The following TNIK variants were observed in gnomAD, a reference collection of about 807,000 sequenced individuals.
TNIK encodes TRAF2 and NCK interacting kinase, also known as TRAF2 and NCK-interacting protein kinase.
TNIK carries 49 observed loss-of-function variants against 191.3 expected under a neutral mutation model. The ratio of observed to expected loss-of-function variants is 0.26; its 90% CI spans 0.20 to 0.32. TNIK has a LOEUF of 0.32. Ranked by LOEUF, TNIK falls within the 10% of genes least tolerant of loss-of-function variation. The pLI, the probability that TNIK is intolerant of heterozygous loss-of-function variation, is 1.00. For synonymous variants in TNIK, 594 were observed against 600.9 expected (o/e 0.99, Z 0.17); for missense variants, 1,155 against 1,702.3 (o/e 0.68, Z 5.66).
At chr3:171,381,384 C>T (rs1450041216) in intron 1 of TNIK, among the ~76,000 whole-genome samples, 1 of 152,208 alleles carries the variant, frequency 6.6e-6, no homozygotes, top group African/African-American at 2.4e-5. Context: ...ATCTCCAAGA[C>T]AGGGCAAAGC....
intron 2 of TNIK, among the ~76,000 whole-genome samples, chr3:171,286,949 CTGT>C (rs1751073258): frequency 1.3e-5 from 2 of 152,298 alleles, no homozygotes; most frequent in African/African-American, 4.8e-5. Flanking sequence ...GTATTCATAT[CTGT>C]TTTTATGGCG....
chr3:171,227,777 T>A (rs1743127450), intron 3 of TNIK, among the ~76,000 whole-genome samples: 1 of 152,206 alleles, frequency 6.6e-6, no homozygotes, highest in Admixed American at 6.5e-5. Context: ...GGTCCCTCAT[T>A]TACAATGGTT....
chr3:171,296,636 T>C (rs951038699), intron 2 of TNIK, among the ~76,000 whole-genome samples: 6 of 152,198 alleles, frequency 3.9e-5, no homozygotes, highest in African/African-American at 1.4e-4. Context: ...GCTTTAAAAT[T>C]CTTCATTCAA....
At chr3:171,207,785 T>C (rs1284084553) in intron 4 of TNIK, among the ~76,000 whole-genome samples, 1 of 152,202 alleles carries the variant, frequency 6.6e-6, no homozygotes, top group Non-Finnish European at 1.5e-5. Flanking sequence ...TCCTGTTGAA[T>C]CTGCAGGCCT....
intron 27 of TNIK, 132 bp from the exon 28 acceptor site, chr3:171,079,784 T>A: frequency 9.1e-7 from 1 of 1,094,152 alleles, no homozygotes; most frequent in African/African-American, 1.6e-5. Flanking sequence ...ATAACCAGTG[T>A]CCCCAGCACT....
chr3:171,162,144 G>A (rs947525938), intron 10 of TNIK, among the ~76,000 whole-genome samples: 6 of 152,036 alleles, frequency 3.9e-5, no homozygotes, highest in East Asian at 1.9e-4. Flanking sequence ...TATAGTGGCC[G>A]GGTGCGGTGG....
At position 171,058,420 on chromosome 3, in the gene TNIK, T is replaced by G. The variant is rs1303213967; in HGVS notation, c.*5461A>C. Reference sequence around the variant, plus strand: ...GAGGAACAAGGAGGCATCCTACGATTAATGTTTTATTATTCATATTTTGAC... The same window carrying G: ...GAGGAACAAGGAGGCATCCTACGATGAATGTTTTATTATTCATATTTTGAC... On this transcript the variant is annotated 3_prime_UTR_variant, in exon 33 of 33. Coordinates refer to ENST00000436636, the MANE Select transcript of TNIK (RefSeq NM_015028.4). Among the ~76,000 whole-genome samples, 1 of 152,184 alleles carries G rather than the reference T, an allele frequency of 6.6e-6. No homozygotes were observed. The highest frequency in any genetic ancestry group is 2.4e-5 in the African/African-American group (1 of 41,454).
intron 7 of TNIK, among the ~76,000 whole-genome samples, chr3:171,179,770 T>G (rs1024236827): frequency 2.0e-5 from 3 of 152,164 alleles, no homozygotes; most frequent in Non-Finnish European, 2.9e-5. Flanking sequence ...GTTTTATGGT[T>G]GATAGACAAA....
At chr3:171,095,701 C>T (rs931793880) in intron 22 of TNIK, among the ~76,000 whole-genome samples, 4 of 152,076 alleles carry the variant, frequency 2.6e-5, no homozygotes, top group Non-Finnish European at 4.4e-5. Context: ...TTATCCAAAA[C>T]AGACAGGTGA....
In TNIK at chr3:171,399,683, C is replaced by T. The variant is rs1199498026; in HGVS notation, c.58-29998G>A. On this transcript the variant is annotated intron_variant, in intron 1 of 32. Transcript: ENST00000436636. ...AAAAACAAAAAAGGAATAAACAACA[C>T]TATATACAGTTTGATCCAAATTTTA... is the stretch of plus-strand genomic sequence containing the variant. Among the ~76,000 whole-genome samples the T allele has an allele frequency of 3.9e-5, 6 of 152,048 alleles. No individual in the cohort carries two copies. The East Asian group carries it at 1.2e-3, about 29-fold the overall frequency.
intron 15 of TNIK, among the ~76,000 whole-genome samples, chr3:171,134,872 G>T (rs1478699823): frequency 6.6e-6 from 1 of 152,126 alleles, no homozygotes; most frequent in African/African-American, 2.4e-5. Flanking sequence ...TTTGGAATGA[G>T]GAAGAGGAGA....
At chr3:171,158,321 A>T (rs908532159) in intron 11 of TNIK, among the ~76,000 whole-genome samples, 4 of 152,200 alleles carry the variant, frequency 2.6e-5, no homozygotes, top group Non-Finnish European at 5.9e-5. Context: ...AACCCAGCTC[A>T]TTGGTTCCTA....
At position 171,347,073 on chromosome 3, in the gene TNIK, GAC is replaced by G. The variant is rs981373445; in HGVS notation, c.123+22545_123+22546del. ...CCTGTGCTAGGACAGTGGTGGCAGA[GAC>G]AGAAAACAGAAGAGAGAAATCAGGA... On this transcript the variant is annotated intron_variant, in intron 2 of 32. Coordinates refer to ENST00000436636, the MANE Select transcript of TNIK (RefSeq NM_015028.4). 13 of 1,456,216 alleles carry G rather than the reference GAC, an allele frequency of 8.9e-6. No individual in the cohort carries two copies. In the Admixed American group the frequency reaches 2.9e-4, roughly 33 times the overall value. 90.2% of individuals were successfully genotyped at this position (1,456,216 alleles called of 1,614,324 possible).
intron 2 of TNIK, among the ~76,000 whole-genome samples, chr3:171,265,250 T>C (rs962231885): frequency 1.3e-5 from 2 of 152,226 alleles, no homozygotes; most frequent in Non-Finnish European, 2.9e-5. Context: ...GCTTGCCATT[T>C]GAAGAATCAA....
chr3:171,314,227 G>A (rs1017079267), intron 2 of TNIK, among the ~76,000 whole-genome samples: 2 of 152,130 alleles, frequency 1.3e-5, no homozygotes, highest in African/African-American at 2.4e-5. Flanking sequence ...CATCAGAGAC[G>A]ATTTCTGGAT....
chr3:171,211,376 G>A, intron 3 of TNIK, 135 bp from the exon 4 acceptor site: 1 of 1,027,522 alleles, frequency 9.7e-7, no homozygotes, highest in Non-Finnish European at 1.4e-6. Flanking sequence ...TACATATGAG[G>A]GCAAAGAACA....
Position 171,145,820 on chromosome 3 carries a change from C to G in TNIK, c.1222-5311G>C, listed in dbSNP as rs377018169. Among the ~76,000 whole-genome samples, 51 of 142,232 alleles carry G rather than the reference C, an allele frequency of 3.6e-4. 1 individual carries two copies. Among genetic ancestry groups the G allele is most frequent in the African/African-American group, 1.3e-3 (48 of 38,340 alleles). The allele number at this position is 142,232 out of a possible 152,430, so 93.3% of individuals were successfully genotyped here. A position where few individuals can be genotyped will look rare whatever the true frequency, so the allele number is the denominator to read the frequency against. The stretch of plus-strand genomic sequence containing the variant: ...TTGTTTAAATGCTCTTCTTAGATTA[C>G]TTTAGATAAGCAGAAAAGTACGCAC... On this transcript the variant is annotated intron_variant, in intron 12 of 32. Coordinates refer to ENST00000436636, the MANE Select transcript of TNIK (RefSeq NM_015028.4).
chr3:171,402,954 T>A (rs1482433884), intron 1 of TNIK, among the ~76,000 whole-genome samples: 1 of 152,210 alleles, frequency 6.6e-6, no homozygotes, highest in Non-Finnish European at 1.5e-5. Flanking sequence ...AGGAACACCA[T>A]AAAGACATGC....
chr3:171,183,921 TAA>T (rs11437224), intron 7 of TNIK, among the ~76,000 whole-genome samples: 3,140 of 86,342 alleles, frequency 0.036, 101 homozygotes, highest in African/African-American at 0.1. Flanking sequence ...GACTCCGTCT[TAA>T]AAAAAAAAAA....
Sources: gnomAD v4.1 joint callset for allele counts (sites outside exome capture counted in the v4.1 genomes callset) on GRCh38, gnomAD v4.1.1 for gene constraint, MANE v1.5 for transcripts, NCBI Gene and HGNC (gene_info 2026-07-23, HGNC 2026-07-21) for gene names.